DCBLD1: variants seen among roughly 807,000 people sequenced by gnomAD.
DCBLD1 encodes discoidin, CUB and LCCL domain-containing protein 1.
DCBLD1 carries 57 observed loss-of-function variants against 71.5 expected under a neutral mutation model. The observed-to-expected ratio is 0.80, with a 90% CI of 0.64 to 0.99. DCBLD1 has a LOEUF of 0.99. Among genes scored for constraint, DCBLD1 ranks in the 50% least tolerant of loss-of-function variants. The pLI, the probability that DCBLD1 is intolerant of heterozygous loss-of-function variation, is 0.00. For missense variants in DCBLD1, 891 were observed against 923.5 expected (o/e 0.96, Z 0.46); for synonymous variants, 380 against 363.8 (o/e 1.04, Z -0.51).
chr6:117,501,481 G>A (rs1011425830), intron 1 of DCBLD1, among the ~76,000 whole-genome samples: 4 of 151,932 alleles, frequency 2.6e-5, no homozygotes, highest in South Asian at 2.1e-4. Context: ...TTACAGGCTC[G>A]CGCTACCATG....
intron 1 of DCBLD1, among the ~76,000 whole-genome samples, chr6:117,501,482 C>T (rs989848372): frequency 3.3e-5 from 5 of 152,054 alleles, no homozygotes; most frequent in Admixed American, 6.6e-5. Context: ...TACAGGCTCG[C>T]GCTACCATGC....
chr6:117,490,391 T>C (rs1777250622), intron 1 of DCBLD1, among the ~76,000 whole-genome samples: 1 of 152,224 alleles, frequency 6.6e-6, no homozygotes, highest in Non-Finnish European at 1.5e-5. Context: ...CAAAAACTTA[T>C]TTCTAAGTCA....
chr6:117,523,518 T>C (rs1215351800), intron 4 of DCBLD1, among the ~76,000 whole-genome samples: 6 of 152,252 alleles, frequency 3.9e-5, no homozygotes, highest in Admixed American at 3.3e-4. Context: ...TATTACATCA[T>C]ATACATCATT....
chr6:117,500,393 A>G (rs1324053952), intron 1 of DCBLD1, among the ~76,000 whole-genome samples: 1 of 152,160 alleles, frequency 6.6e-6, no homozygotes, highest in Admixed American at 6.5e-5. Context: ...TTTTGTTCTG[A>G]TAGTTAATGG....
intron 2 of DCBLD1, among the ~76,000 whole-genome samples, chr6:117,509,288 T>C (rs955716980): frequency 6.6e-6 from 1 of 152,056 alleles, no homozygotes; most frequent in Non-Finnish European, 1.5e-5. Context: ...AAAGATTAGC[T>C]GGGCATGGTG....
At position 117,519,923 on chromosome 6, in the gene DCBLD1, C is replaced by A. The variant is rs1013072635; in HGVS notation, c.433C>A (p.Leu145Met). Reference sequence around the variant, plus strand: ...CCACATTTCTGGCCGGGGTTTTTTGCTGACCTATGCGAGCAGCGACCATCC... The same window carrying A: ...CCACATTTCTGGCCGGGGTTTTTTGATGACCTATGCGAGCAGCGACCATCC... ...GSHISGRGFL[L>M]TYASSDHPDL... The change falls in exon 3 of 15, where the codon CTG becomes ATG. Residue 145 changes from leucine (L) to methionine (M), a missense_variant. By Grantham distance (15) the Leu-to-Met change is conservative (BLOSUM62 2). Transcript: ENST00000338728. 6.2e-7 allele frequency: 1 copy of A among 1,613,924 alleles called. No homozygotes were observed. The highest frequency in any genetic ancestry group is 8.5e-7 in the Non-Finnish European group (1 of 1,179,952).
At position 117,519,824 on chromosome 6, in the gene DCBLD1, T is replaced by G; in HGVS notation, c.334T>G (p.Cys112Gly). ...GTGTGCTTTGTTTTTAGGTCCATAC[T>G]GTGGAAGTATGACTGTTCCCAAAGA... Reference protein sequence around the residue: ...TSSSDQYGPYCGSMTVPKELL... With the variant: ...TSSSDQYGPYGGSMTVPKELL... The change falls in exon 3 of 15, where the codon TGT (cysteine) becomes GGT (glycine). Residue 112 changes from cysteine (C) to glycine (G), a missense_variant. By Grantham distance (159) the Cys-to-Gly change is radical (BLOSUM62 -3). Coordinates refer to ENST00000338728, the MANE Select transcript of DCBLD1 (RefSeq NM_001366458.2). The G allele has an allele frequency of 6.2e-7, 1 of 1,613,024 alleles. No individual in the cohort carries two copies. Among genetic ancestry groups the G allele is most frequent in the Non-Finnish European group, 8.5e-7 (1 of 1,179,036 alleles).
intron 14 of DCBLD1, chr6:117,566,760 A>G (rs2114603131): frequency 1.4e-6 from 1 of 733,770 alleles, no homozygotes; most frequent in East Asian, 2.8e-5. Context: ...ATTTCCTCAC[A>G]AAACAGTTTT....
rs1435443496 is a variant in DCBLD1, at chr6:117,519,953, A to G, written c.460+3A>G. The G allele has an allele frequency of 6.2e-7, 1 of 1,613,678 alleles. No individual in the cohort carries two copies. Among genetic ancestry groups the G allele is most frequent in the South Asian group, 1.1e-5 (1 of 91,038 alleles). On this transcript the variant is annotated splice_donor_region_variant and intron_variant, in intron 3 of 14. Transcript: ENST00000338728. ...CTATGCGAGCAGCGACCATCCAGGTATAACGGAAGAATCAACACAAATCTC... is the reference window on the plus strand; with the variant it reads ...CTATGCGAGCAGCGACCATCCAGGTGTAACGGAAGAATCAACACAAATCTC...
intron 4 of DCBLD1, among the ~76,000 whole-genome samples, chr6:117,524,124 C>CTTCA (rs906515583): frequency 1.2e-4 from 18 of 152,238 alleles, no homozygotes; most frequent in African/African-American, 4.1e-4. Context: ...CACTGACACC[C>CTTCA]TTCAGCTGCA....
At chr6:117,553,048 C>T (rs1414209834), downstream of DCBLD1, among the ~76,000 whole-genome samples, 1 of 152,218 alleles carries the variant, frequency 6.6e-6, no homozygotes, top group Non-Finnish European at 1.5e-5. Context: ...AATACCATCT[C>T]TCCATCTTCA....
chr6:117,537,288 A>C, intron 7 of DCBLD1, 63 bp downstream of exon 7: 2 of 1,520,346 alleles, frequency 1.3e-6, no homozygotes, highest in Non-Finnish European at 1.8e-6. Flanking sequence ...TAATCCCAGC[A>C]CTTTGGGAGG....
chr6:117,503,855 T>C lies in DCBLD1; in HGVS notation c.201T>C (p.Val67=). Residue 67 remains valine, a synonymous_variant, in exon 2 of 15, where the codon GTT becomes GTC. Transcript: ENST00000338728. ...NYPGTYPNHT[V]CEKTITVPKG... ...CCGGGACCTACCCCAATCACACTGTTTGCGAAAAGACAATTACAGTACCAA... is the reference window on the plus strand; with the variant it reads ...CCGGGACCTACCCCAATCACACTGTCTGCGAAAAGACAATTACAGTACCAA... 1 of 1,614,130 alleles carries C rather than the reference T, an allele frequency of 6.2e-7. No homozygotes were observed. The highest frequency in any genetic ancestry group is 8.5e-7 in the Non-Finnish European group (1 of 1,180,014).
intron 5 of DCBLD1, among the ~76,000 whole-genome samples, chr6:117,529,138 C>A (rs1271250659): frequency 6.6e-6 from 1 of 152,116 alleles, no homozygotes; most frequent in Non-Finnish European, 1.5e-5. Context: ...TGTGCCCAGC[C>A]AGGAAGCTCA....
intron 11 of DCBLD1, among the ~76,000 whole-genome samples, chr6:117,542,897 G>A (rs1395889280): frequency 6.6e-6 from 1 of 152,110 alleles, no homozygotes; most frequent in Non-Finnish European, 1.5e-5. Flanking sequence ...AGGAACATTG[G>A]AAACTGTCTC....
intron 12 of DCBLD1, 41 bp from the exon 13 acceptor site, chr6:117,544,487 A>G: frequency 6.2e-7 from 1 of 1,607,406 alleles, no homozygotes; most frequent in Non-Finnish European, 8.5e-7. Flanking sequence ...AGGCAGATAC[A>G]TTGGCTTATA....
intron 14 of DCBLD1, chr6:117,547,590 C>G (rs1249176835): frequency 1.6e-6 from 1 of 628,818 alleles, no homozygotes; most frequent in South Asian, 1.5e-5. Flanking sequence ...TGTGTGACTT[C>G]CACCTCCATA....
At position 117,540,794 on chromosome 6, in the gene DCBLD1, AT is replaced by A; in HGVS notation, c.1230del (p.Ile410MetfsTer45). 6.2e-7 allele frequency: 1 copy of A among 1,614,122 alleles called. No individual in the cohort carries two copies. The highest frequency in any genetic ancestry group is 8.5e-7 in the Non-Finnish European group (1 of 1,179,966). On this transcript the variant is annotated frameshift_variant, in exon 10 of 15. Transcript: ENST00000338728. LOFTEE classifies it high-confidence loss of function. Reference protein sequence around the residue: ...HQRIALKVELIGCQITQGNDS... With the variant: ...HQRIALKVELXGCQITQGNDS... ...GAGGATAGCCTTGAAGGTGGAGCTC[AT>A]TGGTTGCCAGATTACACAAGGTAGG...
At chr6:117,515,769 A>G (rs1437746698) in intron 2 of DCBLD1, among the ~76,000 whole-genome samples, 1 of 152,148 alleles carries the variant, frequency 6.6e-6, no homozygotes, top group African/African-American at 2.4e-5. Flanking sequence ...TGACTTCTCC[A>G]TAGTATTTAA....
Sources: gnomAD v4.1 joint callset for allele counts (sites outside exome capture counted in the v4.1 genomes callset) on GRCh38, gnomAD v4.1.1 for gene constraint, MANE v1.5 for transcripts, NCBI Gene and HGNC (gene_info 2026-07-23, HGNC 2026-07-21) for gene names.